Variants in ZNF717 observed in about 807,000 individuals in gnomAD.
The protein encoded by ZNF717 is zinc finger protein 717.
A neutral mutation model predicts 13.8 loss-of-function variants in ZNF717; 9 were observed. That is an observed-to-expected ratio of 0.65 (90% CI 0.39 to 1.14). The LOEUF (loss-of-function observed/expected upper bound fraction) is 1.14, where lower values mean the gene tolerates loss of function less well. Among genes scored for constraint, ZNF717 ranks in the 50% most tolerant of loss-of-function variants. ZNF717 has a pLI of 0.01. For missense variants in ZNF717, 1,040 were observed against 1,080.7 expected (o/e 0.96, Z 0.53); for synonymous variants, 327 against 364.1 (o/e 0.90, Z 1.16).
At chr3:75,783,156 T>A (rs1470564130) in intron 2 of ZNF717, 150 bp downstream of exon 2, 2 of 653,542 alleles carry the variant, frequency 3.1e-6, no homozygotes, top group South Asian at 1.7e-5. Context: ...TTACAACCTG[T>A]CTATATCTAC....
downstream of ZNF717, among the ~76,000 whole-genome samples, chr3:75,706,279 G>A (rs1937801065): frequency 6.6e-6 from 1 of 152,306 alleles, no homozygotes; most frequent in Admixed American, 6.5e-5. Context: ...CCCCAAGAAG[G>A]GACAGGCATT....
At chr3:75,765,359 TA>T (rs1943381310) in intron 2 of ZNF717, among the ~76,000 whole-genome samples, 1 of 152,186 alleles carries the variant, frequency 6.6e-6, no homozygotes, top group Non-Finnish European at 1.5e-5. Context: ...GTTATGATGG[TA>T]AATTTTAAGG....
intron 4 of ZNF717, among the ~76,000 whole-genome samples, chr3:75,719,999 A>G (rs1476960343): frequency 6.8e-6 from 1 of 146,770 alleles, no homozygotes; most frequent in Non-Finnish European, 1.5e-5. Flanking sequence ...AATAATAATA[A>G]CCACGGATTT....
intron 2 of ZNF717, among the ~76,000 whole-genome samples, chr3:75,778,253 G>A (rs534946478): frequency 1.5e-4 from 23 of 150,736 alleles, no homozygotes; most frequent in South Asian, 4.2e-4. Context: ...TGCTAAAACC[G>A]GAACCCAAAA....
downstream of ZNF717, among the ~76,000 whole-genome samples, chr3:75,706,556 C>T (rs79304959): frequency 6.6e-6 from 1 of 152,312 alleles, no homozygotes; most frequent in Non-Finnish European, 1.5e-5. Flanking sequence ...GAAAGTCCCA[C>T]TCTGTGCCTC....
rs1337122390 is a variant in ZNF717, at chr3:75,736,039, G to T, written c.*839C>A. On this transcript the variant is annotated 3_prime_UTR_variant, in exon 5 of 5. Coordinates refer to ENST00000652011, the MANE Select transcript of ZNF717 (RefSeq NM_001290208.3). ...CAATCCCAATCTTTCAAAGATTTTA[G>T]TTATCACATCTGTTATGATCTGTGA... 2 of 152,138 alleles carry T rather than the reference G, an allele frequency of 1.3e-5. No homozygotes were observed. Among genetic ancestry groups the T allele is most frequent in the African/African-American group, 2.4e-5 (1 of 41,410 alleles). 9.4% of individuals were successfully genotyped at this position (152,138 alleles called of 1,614,324 possible).
intron 2 of ZNF717, among the ~76,000 whole-genome samples, chr3:75,772,514 C>A (rs1943979830): frequency 6.6e-6 from 1 of 152,256 alleles, no homozygotes; most frequent in African/African-American, 2.4e-5. Flanking sequence ...TTCTGGGCAC[C>A]ACTGCATTCC....
chr3:75,749,249 G>A (rs1325265865), intron 2 of ZNF717, among the ~76,000 whole-genome samples: 1 of 152,010 alleles, frequency 6.6e-6, no homozygotes, highest in Non-Finnish European at 1.5e-5. Context: ...GCTGTGGTCC[G>A]AATGTTTTTC....
chr3:75,783,477 G>T, intron 1 of ZNF717, 113 bp from the exon 2 acceptor site: 6 of 762,844 alleles, frequency 7.9e-6, no homozygotes, highest in African/African-American at 1.8e-5. Flanking sequence ...CCTCCCTCCT[G>T]AAAAAGAAAA....
rs74727432 is a variant in ZNF717, at chr3:75,761,320, G to A, written c.58-19584C>T. On this transcript the variant is annotated intron_variant, in intron 2 of 4. Coordinates refer to ENST00000652011, the MANE Select transcript of ZNF717 (RefSeq NM_001290208.3). ...GTCAACATTTATCTGGTTCCACAGC[G>A]GGATGAACACCTTTCATAATAAAAA... 2.2e-3 allele frequency among the ~76,000 whole-genome samples: 327 copies of A among 148,016 alleles called. 1 individual carries two copies. Among genetic ancestry groups the A allele is most frequent in the African/African-American group, 7.7e-3 (310 of 40,444 alleles).
intron 2 of ZNF717, among the ~76,000 whole-genome samples, chr3:75,757,164 G>C (rs1213459306): frequency 6.6e-6 from 1 of 152,246 alleles, no homozygotes; most frequent in Non-Finnish European, 1.5e-5. Context: ...GATTAAGATG[G>C]CTACACTAAA....
chr3:75,779,992 T>C (rs60216003), intron 2 of ZNF717, among the ~76,000 whole-genome samples: 11 of 118,604 alleles, frequency 9.3e-5, no homozygotes, highest in Non-Finnish European at 1.3e-4. Context: ...TGGGAGTGAC[T>C]TGCTAAAACC....
chr3:75,747,144 A>T (rs1207888328), intron 2 of ZNF717, among the ~76,000 whole-genome samples: 1 of 151,774 alleles, frequency 6.6e-6, no homozygotes, highest in East Asian at 1.9e-4. Context: ...TTCTTTTGTC[A>T]GGTATGTCAA....
rs781568139 is a variant in ZNF717, at chr3:75,737,068, G to C, written c.2555C>G (p.Ser852Cys). The C allele has an allele frequency of 6.2e-7, 1 of 1,600,396 alleles. No homozygotes were observed. The highest frequency in any genetic ancestry group is 1.1e-5 in the South Asian group (1 of 89,158). Residue 852 changes from serine to cysteine, a missense_variant, in exon 5 of 5, where the codon TCC (serine) becomes TGC (cysteine). By Grantham distance (112) the Ser-to-Cys change is moderately radical. Transcript: ENST00000652011. ...FRCNECRKTF[S>C]QKSGLSIHQR... ...ATGTATACTGAGGCCTGACTTCTGG[G>C]AGAAAGTTTTCCTACATTCATTACA... is the stretch of plus-strand genomic sequence containing the variant.
intron 2 of ZNF717, among the ~76,000 whole-genome samples, chr3:75,768,041 G>A (rs1416625937): frequency 1.3e-5 from 2 of 152,134 alleles, no homozygotes; most frequent in Non-Finnish European, 2.9e-5. Flanking sequence ...AGGCACAAAC[G>A]CCATTCTCAG....
chr3:75,724,484 G>T (rs1938236582), intron 4 of ZNF717, among the ~76,000 whole-genome samples: 1 of 151,070 alleles, frequency 6.6e-6, no homozygotes, highest in Non-Finnish European at 1.5e-5. Flanking sequence ...CTCCAAAAGT[G>T]CTGGGATTAC....
downstream of ZNF717, among the ~76,000 whole-genome samples, chr3:75,705,439 G>A (rs1485220361): frequency 2.0e-5 from 3 of 152,308 alleles, no homozygotes; most frequent in Non-Finnish European, 4.4e-5. Context: ...CCCTTTTAAT[G>A]CAAGTGCCTC....
downstream of ZNF717, among the ~76,000 whole-genome samples, chr3:75,727,341 G>T: frequency 6.6e-6 from 1 of 152,260 alleles, no homozygotes; most frequent in Non-Finnish European, 1.5e-5. Flanking sequence ...TTCAGGGAAT[G>T]AGGGAAGATA....
intron 5 of ZNF717, among the ~76,000 whole-genome samples, chr3:75,713,830 C>A (rs1172274469): frequency 2.0e-5 from 3 of 151,886 alleles, no homozygotes; most frequent in Non-Finnish European, 4.4e-5. Flanking sequence ...GCCCCAAAGG[C>A]CAGGCTGCGC....
Sources: gnomAD v4.1 joint callset for allele counts (sites outside exome capture counted in the v4.1 genomes callset) on GRCh38, gnomAD v4.1.1 for gene constraint, MANE v1.5 for transcripts, NCBI Gene and HGNC (gene_info 2026-07-23, HGNC 2026-07-21) for gene names.